Variants in SUPT3H observed in about 807,000 individuals in gnomAD.
SUPT3H encodes transcription initiation protein SPT3 homolog.
Under a neutral mutation model 44.3 loss-of-function variants are expected in SUPT3H, and 44 were observed. The ratio of observed to expected loss-of-function variants is 0.99; its 90% CI spans 0.78 to 1.28. SUPT3H has a LOEUF of 1.28. Among genes scored for constraint, SUPT3H ranks in the 50% most tolerant of loss-of-function variants. SUPT3H has a pLI of 0.00. For missense variants in SUPT3H, 380 were observed against 387.1 expected, an observed-to-expected ratio of 0.98 and a Z score of 0.15; for synonymous variants, 124 against 125.6, an observed-to-expected ratio of 0.99 and a Z score of 0.09.
At position 45,111,104 on chromosome 6, in the gene SUPT3H, C is replaced by G. The variant is rs985464793; in HGVS notation, c.102-5098G>C. ...CTGGAGTGCAGTGGCGCGACCTTCGCTCACTGCAACCTCCACCTCCCGGCT... is the reference window on the plus strand; with the variant it reads ...CTGGAGTGCAGTGGCGCGACCTTCGGTCACTGCAACCTCCACCTCCCGGCT... On this transcript the variant is annotated intron_variant, in intron 2 of 10. Transcript: ENST00000371459. Among the ~76,000 whole-genome samples, 8 of 150,850 alleles carry G rather than the reference C, an allele frequency of 5.3e-5. 1 individual carries two copies. Among genetic ancestry groups the G allele is most frequent in the African/African-American group, 2.0e-4 (8 of 41,008 alleles).
intron 6 of SUPT3H, among the ~76,000 whole-genome samples, chr6:44,991,947 A>G (rs1179379207): frequency 6.6e-6 from 1 of 152,200 alleles, no homozygotes; most frequent in Non-Finnish European, 1.5e-5. Flanking sequence ...CAAACTATGT[A>G]ACAACCATCT....
chr6:45,007,803 G>A (rs1782931505), intron 5 of SUPT3H, among the ~76,000 whole-genome samples: 3 of 151,376 alleles, frequency 2.0e-5, no homozygotes, highest in Admixed American at 2.0e-4. Context: ...GGTTTGAGTG[G>A]AGGATTTTAA....
chr6:45,083,926 G>C (rs571305750), intron 3 of SUPT3H, among the ~76,000 whole-genome samples: 1 of 152,146 alleles, frequency 6.6e-6, no homozygotes. Flanking sequence ...TAGCTAGCCA[G>C]TTATCCCAGC....
intron 3 of SUPT3H, among the ~76,000 whole-genome samples, chr6:45,052,821 C>T (rs765377789): frequency 1.3e-5 from 2 of 152,100 alleles, no homozygotes; most frequent in African/African-American, 4.8e-5. Context: ...ATGGGCAAGA[C>T]AGACCAGAAA....
At chr6:45,199,819 A>G (rs1392066705) in intron 2 of SUPT3H, among the ~76,000 whole-genome samples, 1 of 151,432 alleles carries the variant, frequency 6.6e-6, no homozygotes, top group Non-Finnish European at 1.5e-5. Flanking sequence ...CTTTTTTGCA[A>G]TCAATACATG....
chr6:44,937,710 C>T (rs1223104050), intron 9 of SUPT3H, among the ~76,000 whole-genome samples: 5 of 151,890 alleles, frequency 3.3e-5, no homozygotes, highest in South Asian at 4.1e-4. Context: ...TGCCTGTTGG[C>T]CATCGGTATG....
chr6:45,238,176 T>C (rs376753204), intron 2 of SUPT3H, among the ~76,000 whole-genome samples: 2 of 152,202 alleles, frequency 1.3e-5, no homozygotes, highest in East Asian at 3.8e-4. Flanking sequence ...ATGGATGATA[T>C]ACTTTGTGCT....
At chr6:45,220,412 A>T (rs1765838780) in intron 2 of SUPT3H, among the ~76,000 whole-genome samples, 1 of 152,130 alleles carries the variant, frequency 6.6e-6, no homozygotes, top group African/African-American at 2.4e-5. Flanking sequence ...AAAATCCAAC[A>T]TTATTTCATC....
chr6:44,838,500 C>T (rs757960856), intron 10 of SUPT3H, among the ~76,000 whole-genome samples: 21 of 151,890 alleles, frequency 1.4e-4, no homozygotes, highest in Non-Finnish European at 2.6e-4. Flanking sequence ...GAGTTGGGGA[C>T]GGGAAGGGGA....
intron 3 of SUPT3H, among the ~76,000 whole-genome samples, chr6:45,088,447 T>TA (rs1262176505): frequency 4.6e-5 from 7 of 152,050 alleles, no homozygotes; most frequent in Non-Finnish European, 8.8e-5. Context: ...GCAAATAATG[T>TA]AGACCAGTGT....
intron 10 of SUPT3H, among the ~76,000 whole-genome samples, chr6:44,921,949 C>A (rs888611704): frequency 4.6e-5 from 7 of 152,214 alleles, no homozygotes; most frequent in African/African-American, 1.7e-4. Context: ...TGGGCTCTGT[C>A]CTCATGACCT....
chr6:45,323,030 T>C, intron 2 of SUPT3H: 2 of 958,322 alleles, frequency 2.1e-6, no homozygotes, highest in African/African-American at 1.7e-5. Context: ...CAGACAGACA[T>C]ACGATGATAT....
At chr6:45,305,506 A>G (rs1367040530) in intron 2 of SUPT3H, among the ~76,000 whole-genome samples, 1 of 152,250 alleles carries the variant, frequency 6.6e-6, no homozygotes, top group African/African-American at 2.4e-5. Context: ...AAATTAAATT[A>G]CATGCACAAA....
Position 45,186,068 on chromosome 6 carries a change from A to C in SUPT3H, c.102-80062T>G, listed in dbSNP as rs146912109. 3.9e-5 allele frequency among the ~76,000 whole-genome samples: 6 copies of C among 152,326 alleles called. No homozygotes were observed. The East Asian group carries it at 1.2e-3, about 29-fold the overall frequency. On this transcript the variant is annotated intron_variant, in intron 2 of 10. Coordinates refer to ENST00000371459, the MANE Select transcript of SUPT3H (RefSeq NM_003599.4). ...AAGGGAGGTAGACCACTTTCGCAAG[A>C]AGGCATCAGTGGGCTGAGGAGGTGA...
chr6:44,922,832 A>G (rs944388984), intron 10 of SUPT3H, among the ~76,000 whole-genome samples: 3 of 152,274 alleles, frequency 2.0e-5, no homozygotes, highest in Admixed American at 1.3e-4. Flanking sequence ...TTTACAGCAC[A>G]ATTTTAAAAT....
intron 2 of SUPT3H, among the ~76,000 whole-genome samples, chr6:45,118,431 G>C (rs1178124309): frequency 5.3e-5 from 8 of 152,130 alleles, no homozygotes; most frequent in Non-Finnish European, 1.2e-4. Context: ...CCCTAGCTTA[G>C]AGCCTTCACA....
At chr6:44,881,603 T>C (rs967912125) in intron 10 of SUPT3H, among the ~76,000 whole-genome samples, 12 of 152,082 alleles carry the variant, frequency 7.9e-5, no homozygotes, top group South Asian at 2.1e-4. Flanking sequence ...CAGCACCACA[T>C]TGCACTTATT....
chr6:44,936,654 A>C (rs1771473610), intron 9 of SUPT3H, among the ~76,000 whole-genome samples: 1 of 152,110 alleles, frequency 6.6e-6, no homozygotes, highest in African/African-American at 2.4e-5. Context: ...CCATGTTGTA[A>C]AAAATATTAT....
chr6:44,973,421 C>T (rs1369026857), intron 6 of SUPT3H, among the ~76,000 whole-genome samples: 2 of 152,204 alleles, frequency 1.3e-5, no homozygotes, highest in Non-Finnish European at 2.9e-5. Context: ...TTACTGTCAG[C>T]ATTTTGGTCA....
Sources: gnomAD v4.1 joint callset for allele counts (sites outside exome capture counted in the v4.1 genomes callset) on GRCh38, gnomAD v4.1.1 for gene constraint, MANE v1.5 for transcripts, NCBI Gene and HGNC (gene_info 2026-07-23, HGNC 2026-07-21) for gene names.